The following ADAMTSL3 variants were observed in gnomAD, a reference collection of about 807,000 sequenced individuals.
ADAMTSL3 encodes the protein ADAMTS-like protein 3.
A neutral mutation model predicts 201.7 loss-of-function variants in ADAMTSL3; 128 were observed. The observed-to-expected ratio is 0.63, with a 90% confidence interval of 0.55 to 0.73. The LOEUF is 0.73. Ranked by LOEUF, ADAMTSL3 falls within the 30% of genes least tolerant of loss-of-function variation. The pLI, the probability that ADAMTSL3 is intolerant of heterozygous loss-of-function variation, is 0.00. For synonymous variants in ADAMTSL3, 738 were observed against 748.4 expected (o/e 0.99, Z 0.23); for missense variants, 1,990 against 2,119.6 (o/e 0.94, Z 1.20).
intron 22 of ADAMTSL3, among the ~76,000 whole-genome samples, chr15:83,990,578 C>G (rs1312057435): frequency 2.0e-5 from 3 of 152,116 alleles, no homozygotes; most frequent in Non-Finnish European, 4.4e-5. Context: ...TGGATCAGGA[C>G]CTTCTGTCCT....
chr15:83,877,102 CA>C (rs975165309), intron 9 of ADAMTSL3, among the ~76,000 whole-genome samples: 1 of 151,716 alleles, frequency 6.6e-6, no homozygotes, highest in African/African-American at 2.4e-5. Context: ...CCAAATTAAA[CA>C]AAAAAAATTT....
chr15:83,888,500 A>C (rs2065441834), intron 10 of ADAMTSL3, among the ~76,000 whole-genome samples: 1 of 152,212 alleles, frequency 6.6e-6, no homozygotes, highest in African/African-American at 2.4e-5. Flanking sequence ...AACATTACCA[A>C]AATTTAATTA....
At chr15:83,724,988 G>A (rs553957909) in intron 3 of ADAMTSL3, among the ~76,000 whole-genome samples, 3 of 151,600 alleles carry the variant, frequency 2.0e-5, no homozygotes, top group South Asian at 4.2e-4. Context: ...CCAATTCTTA[G>A]CAATTGTGAA....
intron 2 of ADAMTSL3, among the ~76,000 whole-genome samples, chr15:83,668,510 G>A (rs2061281154): frequency 4.0e-5 from 6 of 151,818 alleles, no homozygotes; most frequent in Admixed American, 3.9e-4. Context: ...GTGTGTATGT[G>A]TGTTTGTGTT....
intron 3 of ADAMTSL3, among the ~76,000 whole-genome samples, chr15:83,725,184 G>T (rs966934720): frequency 6.6e-6 from 1 of 152,142 alleles, no homozygotes; most frequent in Non-Finnish European, 1.5e-5. Flanking sequence ...GTGTATGAGG[G>T]TTCCTCTTTC....
intron 16 of ADAMTSL3, among the ~76,000 whole-genome samples, chr15:83,915,645 C>T (rs1385412488): frequency 6.6e-6 from 1 of 152,166 alleles, no homozygotes; most frequent in African/African-American, 2.4e-5. Context: ...CCCAAAGAAA[C>T]ACTGTGTCCT....
At chr15:83,815,404 A>G (rs921915959) in intron 5 of ADAMTSL3, among the ~76,000 whole-genome samples, 1 of 152,174 alleles carries the variant, frequency 6.6e-6, no homozygotes, top group Non-Finnish European at 1.5e-5. Flanking sequence ...GTGGTGGATT[A>G]TATTTTTTTT....
At chr15:83,990,651 T>C (rs2067566051) in intron 22 of ADAMTSL3, among the ~76,000 whole-genome samples, 1 of 152,178 alleles carries the variant, frequency 6.6e-6, no homozygotes, top group Non-Finnish European at 1.5e-5. Flanking sequence ...AGTCAGGTAG[T>C]CCCAAGCCCC....
rs114248697 is a variant in ADAMTSL3, at chr15:83,743,819, A to G, written c.190-29704A>G. ...GTAATAATGGATGTTTATACCAATA[A>G]TGGAGTCAACAAGAAAAGATTTCCT... is the stretch of plus-strand genomic sequence containing the variant. On this transcript the variant is annotated intron_variant, in intron 3 of 29. Coordinates refer to ENST00000286744, the MANE Select transcript of ADAMTSL3 (RefSeq NM_207517.3). 6.2e-4 allele frequency among the ~76,000 whole-genome samples: 95 copies of G among 152,286 alleles called. 1 individual carries two copies. Among genetic ancestry groups the G allele is most frequent in the African/African-American group, 2.2e-3 (92 of 41,562 alleles).
intron 19 of ADAMTSL3, among the ~76,000 whole-genome samples, chr15:83,958,793 G>A (rs148918757): frequency 3.1e-4 from 47 of 152,228 alleles, no homozygotes; most frequent in African/African-American, 1.1e-3. Flanking sequence ...ACAGGAGAAT[G>A]TAAAATGATA....
At chr15:83,816,221 T>C (rs73439417) in intron 5 of ADAMTSL3, among the ~76,000 whole-genome samples, 5,870 of 152,296 alleles carry the variant, frequency 0.039, 332 homozygotes, top group African/African-American at 0.13. Context: ...AACATGAATC[T>C]TATAAAAGAA....
In ADAMTSL3 at chr15:83,953,424, A is replaced by T. The variant is rs541377214; in HGVS notation, c.2490+10342A>T. On this transcript the variant is annotated intron_variant, in intron 19 of 29. Coordinates refer to ENST00000286744, the MANE Select transcript of ADAMTSL3 (RefSeq NM_207517.3). ...ACACACAAAAAGAAAACTAATGAAA[A>T]CTCTATACTTTTACTTTGTCCTCTC... Among the ~76,000 whole-genome samples, 3 of 151,250 alleles carry T rather than the reference A, an allele frequency of 2.0e-5. No individual in the cohort carries two copies. The South Asian group carries it at 6.3e-4, about 32-fold the overall frequency.
chr15:84,039,444 TGAG>T lies in ADAMTSL3; in HGVS notation c.*1644_*1646del. ...GTGATTGGGAATGGATGGGGGACAG[TGAG>T]GAGGACACACCAGCCCATTAGTTGT... On this transcript the variant is annotated 3_prime_UTR_variant, in exon 30 of 30. Coordinates refer to ENST00000286744, the MANE Select transcript of ADAMTSL3 (RefSeq NM_207517.3). 1 of 152,730 alleles carries T rather than the reference TGAG, an allele frequency of 6.5e-6. No homozygotes were observed. Among genetic ancestry groups the T allele is most frequent in the Non-Finnish European group, 1.5e-5 (1 of 68,032 alleles). The allele number at this position is 152,730 out of a possible 1,614,324, so 9.5% of individuals were successfully genotyped here.
chr15:83,872,902 T>A lies in ADAMTSL3; in HGVS notation c.960+1943T>A, dbSNP rs1402836328. On this transcript the variant is annotated intron_variant, in intron 9 of 29. Coordinates refer to ENST00000286744, the MANE Select transcript of ADAMTSL3 (RefSeq NM_207517.3). ...ACACGTATATGTATATGTATATTTT[T>A]AAAAATAATTTGGAAGGATACATTT... is the stretch of plus-strand genomic sequence containing the variant. Among the ~76,000 whole-genome samples, 3 of 145,862 alleles carry A rather than the reference T, an allele frequency of 2.1e-5. 1 individual carries two copies. The highest frequency in any genetic ancestry group is 4.4e-4 in the East Asian group (2 of 4,516).
chr15:83,681,084 C>T (rs1461708583), intron 2 of ADAMTSL3, among the ~76,000 whole-genome samples: 1 of 152,132 alleles, frequency 6.6e-6, no homozygotes, highest in Non-Finnish European at 1.5e-5. Context: ...TTGCAGTATT[C>T]CCCAAACTTG....
chr15:83,931,547 C>T (rs914414993), intron 17 of ADAMTSL3, among the ~76,000 whole-genome samples: 9 of 152,154 alleles, frequency 5.9e-5, no homozygotes, highest in South Asian at 2.1e-4. Context: ...TATCTACTTT[C>T]GGTGACTTCA....
chr15:83,784,704 A>G (rs377641672), intron 4 of ADAMTSL3, among the ~76,000 whole-genome samples: 2 of 152,300 alleles, frequency 1.3e-5, no homozygotes, highest in South Asian at 4.1e-4. Context: ...ATATATACTT[A>G]AAAACCACAT....
chr15:83,778,856 C>G (rs555101702), intron 4 of ADAMTSL3, among the ~76,000 whole-genome samples: 4 of 152,280 alleles, frequency 2.6e-5, no homozygotes, highest in Admixed American at 2.0e-4. Flanking sequence ...CATTGGTATG[C>G]TTGTCTTCAA....
chr15:84,003,538 C>G (rs768247367), intron 23 of ADAMTSL3, among the ~76,000 whole-genome samples: 1 of 152,090 alleles, frequency 6.6e-6, no homozygotes, highest in Non-Finnish European at 1.5e-5. Context: ...CTTGGCTCCT[C>G]GTATTGGTGT....
Sources: gnomAD v4.1 joint callset for allele counts (sites outside exome capture counted in the v4.1 genomes callset) on GRCh38, gnomAD v4.1.1 for gene constraint, MANE v1.5 for transcripts, NCBI Gene and HGNC (gene_info 2026-07-23, HGNC 2026-07-21) for gene names.